The following TSG101 variants were observed in gnomAD, a reference collection of about 807,000 sequenced individuals.
TSG101 encodes the protein tumor susceptibility gene 101 protein.
TSG101 carries 19 observed loss-of-function variants against 48.5 expected under a neutral mutation model. That is an observed-to-expected ratio of 0.39 (90% CI 0.27 to 0.58). The LOEUF is 0.58. Among genes scored for constraint, TSG101 ranks in the 20% least tolerant of loss-of-function variants. The pLI, the probability that TSG101 is intolerant of heterozygous loss-of-function variation, is 0.55. For synonymous variants in TSG101, 174 were observed against 169.4 expected, an observed-to-expected ratio of 1.03 and a Z score of -0.21; for missense variants, 365 against 484.4, an observed-to-expected ratio of 0.75 and a Z score of 2.31.
intron 4 of TSG101, among the ~76,000 whole-genome samples, chr11:18,513,591 T>G (rs2133927878): frequency 6.6e-6 from 1 of 152,254 alleles, no homozygotes; most frequent in African/African-American, 2.4e-5. Flanking sequence ...TGAGCCACCA[T>G]CCCCAGAGCT....
At chr11:18,506,352 C>T (rs926934638) in intron 6 of TSG101, among the ~76,000 whole-genome samples, 2 of 149,564 alleles carry the variant, frequency 1.3e-5, no homozygotes, top group African/African-American at 2.5e-5. Context: ...ATAATGAATT[C>T]AGCCAAGGGG....
chr11:18,520,882 T>C (rs1850260663), intron 1 of TSG101, among the ~76,000 whole-genome samples: 1 of 151,834 alleles, frequency 6.6e-6, no homozygotes, highest in African/African-American at 2.4e-5. Flanking sequence ...AATACAAAAA[T>C]TATCTGGGCG....
chr11:18,514,926 G>A (rs1850146536), intron 3 of TSG101, 85 bp from the exon 4 acceptor site: 2 of 1,291,090 alleles, frequency 1.5e-6, no homozygotes, highest in Non-Finnish European at 2.1e-6. Context: ...GTTTAGTCTA[G>A]ATACAATTTA....
At chr11:18,523,153 C>G (rs1172111987) in intron 1 of TSG101, among the ~76,000 whole-genome samples, 1 of 152,178 alleles carries the variant, frequency 6.6e-6, no homozygotes, top group African/African-American at 2.4e-5. Context: ...CTTCCGCCTC[C>G]CAAAATGTTT....
At chr11:18,488,898 G>A (rs1849659865) in intron 7 of TSG101, among the ~76,000 whole-genome samples, 1 of 151,972 alleles carries the variant, frequency 6.6e-6, no homozygotes, top group Admixed American at 6.6e-5. Flanking sequence ...GGCCAAGGCG[G>A]GTGGATCATG....
chr11:18,491,788 A>G (rs781660147), intron 7 of TSG101, among the ~76,000 whole-genome samples: 2 of 152,204 alleles, frequency 1.3e-5, no homozygotes, highest in Non-Finnish European at 2.9e-5. Context: ...CCTAATCAAG[A>G]ACTTGCTCTT....
intron 7 of TSG101, among the ~76,000 whole-genome samples, chr11:18,499,402 AT>A (rs1160424288): frequency 8.3e-3 from 45 of 5,448 alleles, no homozygotes; most frequent in African/African-American, 0.021. Context: ...ATATATATAT[AT>A]TTTTTTTTTT....
intron 1 of TSG101, among the ~76,000 whole-genome samples, chr11:18,520,695 T>C (rs934611796): frequency 1.3e-5 from 2 of 152,218 alleles, no homozygotes; most frequent in Non-Finnish European, 1.5e-5. Flanking sequence ...TTCATAGATA[T>C]ATGTTTCTGT....
chr11:18,505,660 T>C (rs1331534427), intron 6 of TSG101, among the ~76,000 whole-genome samples: 1 of 152,226 alleles, frequency 6.6e-6, no homozygotes, highest in African/African-American at 2.4e-5. Context: ...CTGATTTCAT[T>C]GTTAATTTAA....
intron 7 of TSG101, chr11:18,490,479 G>A: frequency 2.0e-6 from 1 of 510,150 alleles, no homozygotes. Context: ...AACTGGATGT[G>A]TAGGCTGCAT....
chr11:18,525,086 A>G (rs1850345834), intron 1 of TSG101, among the ~76,000 whole-genome samples: 2 of 151,552 alleles, frequency 1.3e-5, no homozygotes, highest in South Asian at 4.2e-4. Flanking sequence ...TAATTTTTGT[A>G]TTTTAGGAGA....
chr11:18,520,829 G>A (rs1304349041), intron 1 of TSG101, among the ~76,000 whole-genome samples: 1 of 151,988 alleles, frequency 6.6e-6, no homozygotes. Context: ...TCAGGAGTTC[G>A]AGACCAGCCT....
intron 1 of TSG101, among the ~76,000 whole-genome samples, chr11:18,520,008 CA>C: frequency 6.6e-6 from 1 of 152,274 alleles, no homozygotes; most frequent in South Asian, 2.1e-4. Context: ...CCACCATAAT[CA>C]ACTTCAGAAC....
At chr11:18,518,784 C>T (rs1850220608) in intron 2 of TSG101, among the ~76,000 whole-genome samples, 1 of 151,872 alleles carries the variant, frequency 6.6e-6, no homozygotes, top group Admixed American at 6.6e-5. Context: ...CTCGGTGATA[C>T]ACAACACATT....
intron 4 of TSG101, among the ~76,000 whole-genome samples, chr11:18,513,841 G>A (rs1028194452): frequency 2.0e-5 from 3 of 152,128 alleles, no homozygotes; most frequent in Admixed American, 2.0e-4. Context: ...TTAGAAGGCC[G>A]AGATGGGTGG....
intron 7 of TSG101, among the ~76,000 whole-genome samples, chr11:18,492,220 T>TA (rs1278025676): frequency 6.6e-6 from 1 of 152,234 alleles, no homozygotes; most frequent in African/African-American, 2.4e-5. Flanking sequence ...ATGGTTCTTG[T>TA]GAGACAGGAA....
chr11:18,489,912 C>T (rs1056763090), intron 7 of TSG101, among the ~76,000 whole-genome samples: 3 of 152,172 alleles, frequency 2.0e-5, no homozygotes, highest in Admixed American at 2.0e-4. Flanking sequence ...AAAAGTTACA[C>T]ATAATTCAGG....
intron 7 of TSG101, among the ~76,000 whole-genome samples, chr11:18,485,591 A>C (rs1565081682): frequency 6.6e-6 from 1 of 152,180 alleles, no homozygotes; most frequent in Non-Finnish European, 1.5e-5. Context: ...ATGTAGAAGA[A>C]GGTAATTATT....
intron 7 of TSG101, among the ~76,000 whole-genome samples, chr11:18,498,413 T>C (rs551470418): frequency 6.6e-6 from 1 of 152,256 alleles, no homozygotes; most frequent in Non-Finnish European, 1.5e-5. Flanking sequence ...TGTGGAAGGC[T>C]TTTGAAGTAA....
Sources: gnomAD v4.1 joint callset for allele counts (sites outside exome capture counted in the v4.1 genomes callset) on GRCh38, gnomAD v4.1.1 for gene constraint, MANE v1.5 for transcripts, NCBI Gene and HGNC (gene_info 2026-07-23, HGNC 2026-07-21) for gene names.